Variants in EFCAB8 observed in about 807,000 individuals in gnomAD.
EFCAB8 encodes EF-hand calcium-binding domain-containing protein 8.
EFCAB8 carries 100 observed loss-of-function variants against 116.3 expected under a neutral mutation model. The observed-to-expected ratio is 0.86, with a 90% confidence interval of 0.73 to 1.02. The LOEUF (loss-of-function observed/expected upper bound fraction) is 1.02. EFCAB8 is among the 50% of genes least tolerant of loss of function. EFCAB8 has a pLI of 0.00. For synonymous variants in EFCAB8, 558 were observed against 567.9 expected, an observed-to-expected ratio of 0.98 and a Z score of 0.25; for missense variants, 1,320 against 1,416.9, an observed-to-expected ratio of 0.93 and a Z score of 1.10.
intron 1 of EFCAB8, among the ~76,000 whole-genome samples, chr20:32,859,509 GT>G (rs745778169): frequency 6.6e-6 from 1 of 151,978 alleles, no homozygotes; most frequent in Non-Finnish European, 1.5e-5. Flanking sequence ...CCCATTTGGC[GT>G]TTTACCTCTG....
intron 17 of EFCAB8, among the ~76,000 whole-genome samples, chr20:32,916,778 GA>G (rs773963711): frequency 6.6e-6 from 1 of 151,766 alleles, no homozygotes; most frequent in Non-Finnish European, 1.5e-5. Flanking sequence ...TCAGTGCTGT[GA>G]AAAAAAAGTA....
chr20:32,930,742 G>A (rs1169299872), intron 21 of EFCAB8, 126 bp downstream of exon 21: 13 of 941,466 alleles, frequency 1.4e-5, no homozygotes, highest in Non-Finnish European at 1.8e-5. Context: ...GTGAAACAAT[G>A]CAGCGAGGAG....
At position 32,911,601 on chromosome 20, in the gene EFCAB8, A is replaced by T; in HGVS notation, c.1679A>T (p.Glu560Val). 6.4e-7 allele frequency: 1 copy of T among 1,551,496 alleles called. No individual in the cohort carries two copies. The highest frequency in any genetic ancestry group is 8.7e-7 in the Non-Finnish European group (1 of 1,146,856). The change falls in exon 16 of 27, where the codon GAG (glutamate) becomes GTG (valine). Residue 560 changes from glutamate to valine, a missense_variant. Physicochemically the swap from Glu to Val is moderately radical, Grantham distance 121. Coordinates refer to ENST00000400522, the MANE Select transcript of EFCAB8 (RefSeq NM_001143967.2). ...HVEMTAMALD[E>V]SERCLLTGLR... ...GAGATGACCGCCATGGCCCTGGATG[A>T]GTCAGAGCGGTGCCTGCTCACAGGT...
rs143375389 is a variant in EFCAB8 at position 32,897,346 on chromosome 20, G to C, written c.957+819G>C. The stretch of plus-strand genomic sequence containing the variant: ...TCTCCAGTGCCTAAAATAGTACCCT[G>C]CGCTTGGTGGGCTCCCAATACATTT... On this transcript the variant is annotated intron_variant, in intron 10 of 26. Coordinates refer to ENST00000400522, the MANE Select transcript of EFCAB8 (RefSeq NM_001143967.2). 1.3e-4 allele frequency among the ~76,000 whole-genome samples: 20 copies of C among 152,110 alleles called. No homozygotes were observed. The East Asian group carries it at 3.9e-3, about 29-fold the overall frequency.
chr20:32,888,272 C>G (rs558029462), intron 6 of EFCAB8, among the ~76,000 whole-genome samples: 52 of 152,258 alleles, frequency 3.4e-4, no homozygotes, highest in African/African-American at 1.2e-3. Flanking sequence ...GTCACCCGGG[C>G]TGGAGTGCAG....
At position 32,959,704 on chromosome 20, in the gene EFCAB8, C is replaced by A. The variant is rs989635934; in HGVS notation, c.3090-74C>A. 6.1e-6 allele frequency: 7 copies of A among 1,148,208 alleles called. No homozygotes were observed. The African/African-American group carries it at 1.1e-4, about 18-fold the overall frequency. 71.1% of individuals were successfully genotyped at this position (1,148,208 alleles called of 1,614,324 possible). A position where few individuals can be genotyped will look rare whatever the true frequency, so the allele number is the denominator to read the frequency against. On this transcript the variant is annotated intron_variant, in intron 24 of 26. Coordinates refer to ENST00000400522, the MANE Select transcript of EFCAB8 (RefSeq NM_001143967.2). ...AGGATCAGGCCAGGAAGGGGAGAGG[C>A]TTTCAGGGTTTCTGGGAGGGTCACC...
At chr20:32,940,019 C>CCCTCCCTCCCTT (rs1568942476) in intron 22 of EFCAB8, among the ~76,000 whole-genome samples, 1 of 77,312 alleles carries the variant, frequency 1.3e-5, no homozygotes, top group African/African-American at 6.1e-5. Flanking sequence ...CTCCCTCCCT[C>CCCTCCCTCCCTT]CCTCCCTTCC....
intron 10 of EFCAB8, among the ~76,000 whole-genome samples, chr20:32,897,672 C>T (rs1181968198): frequency 1.3e-5 from 2 of 152,060 alleles, no homozygotes; most frequent in Non-Finnish European, 2.9e-5. Flanking sequence ...CTTGGCCTCC[C>T]AAAGTGCTGG....
At chr20:32,931,022 C>T (rs1987887171) in intron 21 of EFCAB8, among the ~76,000 whole-genome samples, 156 bp from the exon 22 acceptor site, 1 of 152,132 alleles carries the variant, frequency 6.6e-6, no homozygotes, top group Non-Finnish European at 1.5e-5. Flanking sequence ...TCCCTAAGGC[C>T]CTTTCTGGCC....
Position 32,917,424 on chromosome 20 carries a change from C to A in EFCAB8, c.1980C>A (p.Ile660=). 1 of 1,552,080 alleles carries A rather than the reference C, an allele frequency of 6.4e-7. No individual in the cohort carries two copies. Among genetic ancestry groups the A allele is most frequent in the Non-Finnish European group, 8.7e-7 (1 of 1,147,068 alleles). The change falls in exon 18 of 27, where the codon ATC becomes ATA. Residue 660 remains isoleucine (I), a synonymous_variant. Transcript: ENST00000400522. ...GGACCTCCTCCTACAGTGGGGACAT[C>A]CTCTTCTGGAACACCGGCACACTCA... The part of the protein sequence containing the change: ...FLGTSSYSGD[I]LFWNTGTLKP...
At chr20:32,918,237 AG>A in intron 18 of EFCAB8, 124 bp from the exon 19 acceptor site, 1 of 906,986 alleles carries the variant, frequency 1.1e-6, no homozygotes, top group Non-Finnish European at 1.7e-6. Context: ...TAAGGGGGCT[AG>A]GTTTCTGGGA....
rs1177141660 is a variant in EFCAB8, at chr20:32,893,331, C to G, written c.883+33C>G. On this transcript the variant is annotated intron_variant, in intron 9 of 26. Transcript: ENST00000400522. ...AGATGCTGGGGAAGGGGGCAGAGGC[C>G]TGGGCATGGCCTAGATGTGGGTGCT... The G allele has an allele frequency of 5.4e-5, 84 of 1,551,060 alleles. No homozygotes were observed. In the East Asian group the frequency reaches 2.0e-3, roughly 37 times the overall value.
intron 3 of EFCAB8, among the ~76,000 whole-genome samples, chr20:32,869,428 G>T (rs1244226143): frequency 6.6e-6 from 1 of 152,144 alleles, no homozygotes; most frequent in Non-Finnish European, 1.5e-5. Context: ...TAGAGACGGG[G>T]TTTCTCCATG....
intron 20 of EFCAB8, among the ~76,000 whole-genome samples, chr20:32,929,402 A>G (rs1183297960): frequency 6.6e-6 from 1 of 151,914 alleles, no homozygotes; most frequent in Non-Finnish European, 1.5e-5. Context: ...CTACAACAAT[A>G]AGGATAATTG....
chr20:32,926,649 A>T (rs1987685335), intron 20 of EFCAB8, among the ~76,000 whole-genome samples: 1 of 132,036 alleles, frequency 7.6e-6, no homozygotes, highest in African/African-American at 2.8e-5. Flanking sequence ...TCCCAATGCT[A>T]TCCCTCCCCC....
intron 23 of EFCAB8, among the ~76,000 whole-genome samples, chr20:32,949,768 G>C (rs1988740071): frequency 6.6e-6 from 1 of 152,232 alleles, no homozygotes; most frequent in Non-Finnish European, 1.5e-5. Context: ...GGAGGATGAG[G>C]TGGGAAGATC....
At chr20:32,877,021 A>G (rs1325849149) in intron 4 of EFCAB8, among the ~76,000 whole-genome samples, 3 of 151,966 alleles carry the variant, frequency 2.0e-5, no homozygotes, top group African/African-American at 2.4e-5. Flanking sequence ...AGATTGGGAA[A>G]CTGAGGCATG....
intron 2 of EFCAB8, among the ~76,000 whole-genome samples, chr20:32,866,975 C>T (rs1408876647): frequency 3.3e-5 from 5 of 150,992 alleles, no homozygotes; most frequent in East Asian, 1.9e-4. Flanking sequence ...TGGAATGCAG[C>T]GGCACAATCT....
chr20:32,899,514 C>T (rs1986330996), intron 11 of EFCAB8, among the ~76,000 whole-genome samples: 1 of 152,100 alleles, frequency 6.6e-6, no homozygotes, highest in African/African-American at 2.4e-5. Context: ...CTGAGGGGCC[C>T]CCTCCTTATT....
Sources: allele counts gnomAD v4.1 joint callset (sites outside exome capture counted in the v4.1 genomes callset), GRCh38; gene constraint gnomAD v4.1.1; transcripts MANE v1.5; gene names NCBI Gene and HGNC (gene_info 2026-07-23, HGNC 2026-07-21).